AZIN2: variants seen among roughly 807,000 people sequenced by gnomAD.
AZIN2 encodes the protein antizyme inhibitor 2, also known as ODC antizyme inhibitor-2.
AZIN2 carries 28 observed loss-of-function variants against 47.8 expected under a neutral mutation model. The observed-to-expected ratio is 0.59, with a 90% confidence interval of 0.43 to 0.80. AZIN2 has a LOEUF of 0.80. Among genes scored for constraint, AZIN2 ranks in the 30% least tolerant of loss-of-function variants. AZIN2 has a pLI of 0.00. For synonymous variants in AZIN2, 221 were observed against 239.4 expected (o/e 0.92, Z 0.71); for missense variants, 535 against 582.5 (o/e 0.92, Z 0.84).
chr1:33,159,844 G>A, the AZIN2 span: 550 of 1,613,500 alleles, frequency 3.4e-4, 1 homozygote, highest in East Asian at 5.1e-3. The surrounding 1 kb of genome is among the most constrained non-coding windows in gnomAD (Gnocchi z 4.2). Context: ...GGCCGTGTCC[G>A]CCTCCAGCTC....
At chr1:33,126,615 G>A (rs1283579997), downstream of AZIN2, among the ~76,000 whole-genome samples, 5 of 152,092 alleles carry the variant, frequency 3.3e-5, no homozygotes, top group African/African-American at 1.2e-4. Context: ...ACCATTGACT[G>A]GCATGAGCTG....
the AZIN2 span, chr1:33,165,595 G>C: frequency 6.4e-7 from 1 of 1,572,942 alleles, no homozygotes; most frequent in Non-Finnish European, 8.7e-7. The surrounding 1 kb of genome is among the most constrained non-coding windows in gnomAD (Gnocchi z 4.0). Flanking sequence ...CGGGATGGGG[G>C]CAGGGGCCAT....
chr1:33,158,362 C>T, the AZIN2 span: 5 of 1,613,442 alleles, frequency 3.1e-6, no homozygotes, highest in Non-Finnish European at 1.7e-6. Flanking sequence ...GGATTTTTCC[C>T]TTGAGCCTGG....
In AZIN2 at chr1:33,092,197, G is replaced by T. The variant is rs775633196; in HGVS notation, c.427G>T (p.Val143Leu). 1 of 1,614,172 alleles carries T rather than the reference G, an allele frequency of 6.2e-7. No individual in the cohort carries two copies. Among genetic ancestry groups the T allele is most frequent in the Non-Finnish European group, 8.5e-7 (1 of 1,180,030 alleles). ...TGACAATGAGATGGAGCTGGCAAAGGTGGTAAAGAGCCACCCCAGTGCCAA... is the reference window on the plus strand; with the variant it reads ...TGACAATGAGATGGAGCTGGCAAAGTTGGTAAAGAGCCACCCCAGTGCCAA... ...SFDNEMELAK[V>L]VKSHPSAKMV... Residue 143 changes from valine to leucine, a missense_variant, in exon 6 of 12, where the codon GTG becomes TTG. This residue lies in a region of AZIN2 where 409 missense variants were observed against 429.0 expected (regional missense o/e 0.95). Coordinates refer to ENST00000294517, the MANE Select transcript of AZIN2 (RefSeq NM_052998.4).
At chr1:33,097,036 CATTT>C (rs1643231999) in intron 9 of AZIN2, 167 bp downstream of exon 9, 2 of 737,300 alleles carry the variant, frequency 2.7e-6, no homozygotes, top group Admixed American at 5.8e-5. Context: ...CACCCCAAGA[CATTT>C]ATTTAGCATC....
the AZIN2 span, among the ~76,000 whole-genome samples, chr1:33,158,961 C>G: frequency 6.6e-6 from 1 of 152,142 alleles, no homozygotes; most frequent in Non-Finnish European, 1.5e-5. Flanking sequence ...CTGCCTCAGC[C>G]TCCTGAATAG....
chr1:33,096,300 G>T (rs1057295083), intron 8 of AZIN2, among the ~76,000 whole-genome samples: 4 of 152,200 alleles, frequency 2.6e-5, no homozygotes, highest in African/African-American at 7.2e-5. Flanking sequence ...GCTGTCTCAG[G>T]GTGGCAGAGG....
chr1:33,159,698 G>T, the AZIN2 span: 1 of 1,607,954 alleles, frequency 6.2e-7, no homozygotes, highest in South Asian at 1.1e-5. This position sits in a 1 kb window ranked among gnomAD's most constrained non-coding sequence, Gnocchi z 4.2. Context: ...CGCTCGGACA[G>T]TGAGGCCACC....
the AZIN2 span, among the ~76,000 whole-genome samples, chr1:33,157,389 T>C: frequency 3.3e-5 from 5 of 152,244 alleles, 1 homozygote; most frequent in Middle Eastern, 6.8e-3. Flanking sequence ...CGTGGCTCAC[T>C]CTTCTTCAGC....
intron 10 of AZIN2, among the ~76,000 whole-genome samples, chr1:33,114,365 T>C (rs1393723301): frequency 6.8e-6 from 1 of 148,124 alleles, no homozygotes; most frequent in Admixed American, 6.7e-5. Context: ...CTTTTTTTTT[T>C]TTTTTTGAGA....
At chr1:33,132,912 A>AT in the AZIN2 span, among the ~76,000 whole-genome samples, 1 of 152,262 alleles carries the variant, frequency 6.6e-6, no homozygotes, top group Non-Finnish European at 1.5e-5. Flanking sequence ...TCAGAAAAGC[A>AT]TGGGGGAATG....
intron 9 of AZIN2, 132 bp from the exon 10 acceptor site, chr1:33,097,935 T>C: frequency 1.5e-6 from 1 of 647,996 alleles, no homozygotes; most frequent in Admixed American, 2.7e-5. Flanking sequence ...ATGGCTTTTG[T>C]TGTAGGCCTC....
intron 7 of AZIN2, 116 bp downstream of exon 7, chr1:33,093,532 C>T: frequency 7.6e-7 from 1 of 1,311,016 alleles, no homozygotes; most frequent in Non-Finnish European, 1.0e-6. Context: ...TGTCCCTGGG[C>T]CTGGAATTCT....
At chr1:33,087,750 T>TA (rs60584060) in intron 5 of AZIN2, among the ~76,000 whole-genome samples, 7,592 of 146,068 alleles carry the variant, frequency 0.052, 391 homozygotes, top group African/African-American at 0.14. Flanking sequence ...ATGCATTCTT[T>TA]AAAAAAAAAA....
chr1:33,140,202 A>G, the AZIN2 span, among the ~76,000 whole-genome samples: 71 of 152,332 alleles, frequency 4.7e-4, no homozygotes, highest in East Asian at 6.0e-3. The surrounding 1 kb of genome is among the most constrained non-coding windows in gnomAD (Gnocchi z 4.0). Flanking sequence ...GATGAGGAAC[A>G]GGGATGCTTA....
At chr1:33,130,283 G>A in the AZIN2 span, among the ~76,000 whole-genome samples, 1 of 152,204 alleles carries the variant, frequency 6.6e-6, no homozygotes, top group Non-Finnish European at 1.5e-5. Context: ...CTCCCGTTGA[G>A]TATGGATGGA....
the AZIN2 span, among the ~76,000 whole-genome samples, chr1:33,148,940 G>A: frequency 5.3e-5 from 8 of 152,210 alleles, no homozygotes; most frequent in African/African-American, 1.4e-4. Flanking sequence ...GCAATCTAGC[G>A]CCAGTCCTTT....
chr1:33,102,396 T>A (rs928967439), intron 10 of AZIN2, among the ~76,000 whole-genome samples: 2 of 152,122 alleles, frequency 1.3e-5, no homozygotes, highest in Non-Finnish European at 2.9e-5. Flanking sequence ...CTCACTCAGC[T>A]CCCTTAGCCC....
intron 10 of AZIN2, among the ~76,000 whole-genome samples, chr1:33,101,615 G>T (rs1228215425): frequency 1.3e-5 from 2 of 151,326 alleles, no homozygotes; most frequent in South Asian, 4.2e-4. Context: ...AGAGTAATAA[G>T]CATCCTTATT....
Sources: gnomAD v4.1 joint callset for allele counts (sites outside exome capture counted in the v4.1 genomes callset) on GRCh38, gnomAD v4.1.1 for gene constraint, gnomAD v4.1.1 regional missense constraint, Gnocchi (gnomAD v3.1) non-coding constraint, MANE v1.5 for transcripts, NCBI Gene and HGNC (gene_info 2026-07-23, HGNC 2026-07-21) for gene names.